DGKB: variants seen among roughly 807,000 people sequenced by gnomAD.
DGKB encodes the protein diacylglycerol kinase beta, also known as 90 kDa diacylglycerol kinase.
DGKB carries 67 observed loss-of-function variants against 114.3 expected under a neutral mutation model. The observed-to-expected ratio is 0.59, with a 90% CI of 0.48 to 0.72. The LOEUF (loss-of-function observed/expected upper bound fraction) is 0.72, where lower values mean the gene tolerates loss of function less well. Ranked by LOEUF, DGKB falls within the 30% of genes least tolerant of loss-of-function variation. The pLI, the probability that DGKB is intolerant of heterozygous loss-of-function variation, is 0.00. For synonymous variants in DGKB, 398 were observed against 323.1 expected (o/e 1.23, Z -2.49); for missense variants, 907 against 975.2 (o/e 0.93, Z 0.93).
intron 6 of DGKB, among the ~76,000 whole-genome samples, chr7:14,706,228 C>G (rs1383774727): frequency 4.1e-5 from 6 of 145,784 alleles, no homozygotes; most frequent in African/African-American, 1.3e-4. Context: ...AAGGCCATTA[C>G]ATAATGGTAA....
intron 1 of DGKB, among the ~76,000 whole-genome samples, chr7:14,912,671 A>G (rs1422334308): frequency 6.6e-6 from 1 of 152,166 alleles, no homozygotes; most frequent in Non-Finnish European, 1.5e-5. Context: ...AAGTAGGACT[A>G]AGTGGACGCC....
chr7:14,471,752 G>A (rs557860251), intron 21 of DGKB, among the ~76,000 whole-genome samples: 1 of 151,906 alleles, frequency 6.6e-6, no homozygotes, highest in African/African-American at 2.4e-5. Flanking sequence ...CACTATAAAA[G>A]CATAAACTAT....
At chr7:14,302,008 TG>T (rs1380408718) in intron 23 of DGKB, among the ~76,000 whole-genome samples, 2 of 152,082 alleles carry the variant, frequency 1.3e-5, no homozygotes, top group African/African-American at 2.4e-5. Context: ...AGCTTTGCTT[TG>T]ATTCTCTCCA....
In DGKB at chr7:14,748,814, C is replaced by G. The variant is rs1349255732; in HGVS notation, c.168+5114G>C. On this transcript the variant is annotated intron_variant, in intron 4 of 25. Coordinates refer to ENST00000402815, the MANE Select transcript of DGKB (RefSeq NM_001350709.2). Reference sequence around the variant, plus strand: ...TTATGTTTTTCTAACTAGCTCACCACTAATTAATAAGTGACTCCTAAAACA... The same window carrying G: ...TTATGTTTTTCTAACTAGCTCACCAGTAATTAATAAGTGACTCCTAAAACA... Among the ~76,000 whole-genome samples the G allele has an allele frequency of 2.6e-5, 4 of 152,132 alleles. No homozygotes were observed. In the East Asian group the frequency reaches 5.8e-4, roughly 22 times the overall value.
At chr7:14,595,839 G>A (rs1306025164) in intron 17 of DGKB, among the ~76,000 whole-genome samples, 6 of 151,928 alleles carry the variant, frequency 3.9e-5, no homozygotes, top group Admixed American at 3.9e-4. Context: ...TTAAATTGAT[G>A]ATTTATTAGG....
At chr7:14,232,549 G>T (rs1380004655) in intron 23 of DGKB, among the ~76,000 whole-genome samples, 1 of 151,826 alleles carries the variant, frequency 6.6e-6, no homozygotes, top group Non-Finnish European at 1.5e-5. Context: ...ACAAAAGCAA[G>T]AGAATCATAA....
At chr7:14,630,158 C>T (rs76739775) in intron 14 of DGKB, 78 bp downstream of exon 14, 2 of 937,204 alleles carry the variant, frequency 2.1e-6, no homozygotes, top group South Asian at 4.1e-5. Context: ...TGAGCCAGCA[C>T]AAAATGTTCT....
chr7:14,658,725 TTTTATA>T (rs1283289955), intron 13 of DGKB, among the ~76,000 whole-genome samples: 1 of 151,820 alleles, frequency 6.6e-6, no homozygotes, highest in Non-Finnish European at 1.5e-5. Context: ...AAAATTCATA[TTTTATA>T]TTTATAATTT....
chr7:14,456,325 G>A (rs930716864), intron 21 of DGKB, among the ~76,000 whole-genome samples: 1 of 151,964 alleles, frequency 6.6e-6, no homozygotes, highest in African/African-American at 2.4e-5. Flanking sequence ...TGAACCTGTA[G>A]TACTCTTTTA....
At position 14,588,071 on chromosome 7, in the gene DGKB, C is replaced by T. The variant is rs985227229; in HGVS notation, c.1434-4934G>A. ...TTTACCAGATAACATCAATGTTTTT[C>T]GCAAAGAAGGTGCACCAATGTACAA... is the stretch of plus-strand genomic sequence containing the variant. On this transcript the variant is annotated intron_variant, in intron 17 of 25. Coordinates refer to ENST00000402815, the MANE Select transcript of DGKB (RefSeq NM_001350709.2). Among the ~76,000 whole-genome samples, 5 of 152,012 alleles carry T rather than the reference C, an allele frequency of 3.3e-5. No individual in the cohort carries two copies. The South Asian group carries it at 6.2e-4, about 19-fold the overall frequency.
rs114217633 is a variant in DGKB at position 14,699,381 on chromosome 7, T to G, written c.517-1212A>C. On this transcript the variant is annotated intron_variant, in intron 7 of 25. Transcript: ENST00000402815. ...GATATCTTTTAAGAACAGAAACTAT[T>G]TTTGGTGGACTGTTACGTAGGCATG... Among the ~76,000 whole-genome samples the G allele has an allele frequency of 6.9e-3, 1,049 of 152,244 alleles. 10 individuals carry two copies. The highest frequency in any genetic ancestry group is 0.024 in the African/African-American group (997 of 41,552).
chr7:14,618,722 T>G (rs1363076966), intron 15 of DGKB, among the ~76,000 whole-genome samples: 1 of 151,524 alleles, frequency 6.6e-6, no homozygotes, highest in Admixed American at 6.6e-5. Context: ...TATTACTTCC[T>G]CTAATTAGAA....
intron 21 of DGKB, among the ~76,000 whole-genome samples, chr7:14,404,464 T>C (rs1823624513): frequency 6.6e-6 from 1 of 151,930 alleles, no homozygotes; most frequent in Admixed American, 6.6e-5. Context: ...GCAAATTAGA[T>C]GCACACTCAA....
intron 13 of DGKB, among the ~76,000 whole-genome samples, chr7:14,666,336 A>C (rs1568845): frequency 0.99 from 149,826 of 152,082 alleles, 73,834 homozygotes; most frequent in East Asian, 1. Context: ...AGAGAAACTG[A>C]GAAGGGCTAA....
intron 23 of DGKB, among the ~76,000 whole-genome samples, chr7:14,208,328 A>G (rs1787166945): frequency 6.6e-6 from 1 of 152,038 alleles, no homozygotes; most frequent in Non-Finnish European, 1.5e-5. Context: ...GGGTTTTTAA[A>G]CTGCTGGTGG....
At chr7:14,400,252 C>G (rs149415250) in intron 21 of DGKB, among the ~76,000 whole-genome samples, 103 of 151,926 alleles carry the variant, frequency 6.8e-4, no homozygotes, top group Non-Finnish European at 1.3e-3. Flanking sequence ...AACCCACAGA[C>G]TTCCTTACAT....
Position 14,621,364 on chromosome 7 carries a change from T to A in DGKB, c.1284+14A>T. The A allele has an allele frequency of 6.4e-7, 1 of 1,554,662 alleles. No individual in the cohort carries two copies. Among genetic ancestry groups the A allele is most frequent in the East Asian group, 2.3e-5 (1 of 44,270 alleles). The stretch of plus-strand genomic sequence containing the variant: ...ATATGAAACCTACTAAAATTTTGAT[T>A]TAAAAAATCATACCTGCAGGCCTTG... On this transcript the variant is annotated intron_variant, in intron 15 of 25. Coordinates refer to ENST00000402815, the MANE Select transcript of DGKB (RefSeq NM_001350709.2).
chr7:14,852,926 C>G (rs1849603382), intron 1 of DGKB, among the ~76,000 whole-genome samples: 1 of 152,110 alleles, frequency 6.6e-6, no homozygotes, highest in South Asian at 2.1e-4. Context: ...CATATTCTGA[C>G]TTTGTATTGA....
At chr7:14,749,726 AAC>A (rs895451759) in intron 4 of DGKB, among the ~76,000 whole-genome samples, 4 of 152,180 alleles carry the variant, frequency 2.6e-5, no homozygotes, top group African/African-American at 9.6e-5. Context: ...GTGTTACTGA[AAC>A]ACACACATAA....
Sources: allele counts gnomAD v4.1 joint callset (sites outside exome capture counted in the v4.1 genomes callset), GRCh38; gene constraint gnomAD v4.1.1; transcripts MANE v1.5; gene names NCBI Gene and HGNC (gene_info 2026-07-23, HGNC 2026-07-21).